Variants in ASTN2 observed in about 807,000 individuals in gnomAD.
ASTN2 encodes astrotactin-2.
In ASTN2, 54 loss-of-function variants were observed where a neutral mutation model predicts 139.8. That is an observed-to-expected ratio of 0.39 (90% CI 0.31 to 0.48). The LOEUF (loss-of-function observed/expected upper bound fraction) is 0.48, where lower values mean the gene tolerates loss of function less well. ASTN2 is among the 20% of genes least tolerant of loss of function. The pLI is 0.95. For missense variants in ASTN2, 1,565 were observed against 1,725.1 expected, an observed-to-expected ratio of 0.91 and a Z score of 1.64; for synonymous variants, 756 against 719.5, an observed-to-expected ratio of 1.05 and a Z score of -0.81.
At chr9:117,236,936 C>CA (rs1833062118) in intron 2 of ASTN2, among the ~76,000 whole-genome samples, 2 of 151,912 alleles carry the variant, frequency 1.3e-5, no homozygotes, top group South Asian at 4.2e-4. Flanking sequence ...CCCAGAAATG[C>CA]AAAAAATATA....
chr9:117,269,853 A>G (rs1834022757), intron 2 of ASTN2, among the ~76,000 whole-genome samples: 1 of 152,168 alleles, frequency 6.6e-6, no homozygotes, highest in African/African-American at 2.4e-5. Context: ...TTTCCTCTTT[A>G]TCTACTGTCC....
chr9:117,244,971 T>C (rs1279805265), intron 2 of ASTN2, among the ~76,000 whole-genome samples: 4 of 152,120 alleles, frequency 2.6e-5, no homozygotes, highest in South Asian at 2.1e-4. Context: ...CTAATGTCAA[T>C]GAATACAGAC....
intron 7 of ASTN2, among the ~76,000 whole-genome samples, chr9:116,983,809 C>A (rs1225167606): frequency 6.6e-6 from 1 of 152,186 alleles, no homozygotes; most frequent in East Asian, 1.9e-4. Flanking sequence ...TTAGAAAAAA[C>A]ATCTACAGGC....
chr9:116,711,822 G>C (rs1828171384), intron 16 of ASTN2, among the ~76,000 whole-genome samples: 1 of 151,764 alleles, frequency 6.6e-6, no homozygotes. Context: ...GAATCCTCAT[G>C]GCTGCTAAAT....
intron 7 of ASTN2, among the ~76,000 whole-genome samples, chr9:117,006,926 C>T (rs1322119830): frequency 3.9e-5 from 6 of 152,092 alleles, no homozygotes; most frequent in Non-Finnish European, 7.4e-5. Context: ...ACTAGCCTGA[C>T]CAACATGGTG....
chr9:117,258,894 T>C (rs1045644524), intron 2 of ASTN2, among the ~76,000 whole-genome samples: 3 of 152,182 alleles, frequency 2.0e-5, no homozygotes, highest in African/African-American at 7.2e-5. Flanking sequence ...CCTGAAGGGA[T>C]AGGGATCGTC....
At chr9:116,799,036 A>G (rs1224164275) in intron 13 of ASTN2, among the ~76,000 whole-genome samples, 3 of 144,510 alleles carry the variant, frequency 2.1e-5, no homozygotes, top group Admixed American at 1.4e-4. Context: ...TAAAGTATTC[A>G]GCATAGGTCC....
At chr9:117,186,760 C>T (rs751327058) in intron 3 of ASTN2, among the ~76,000 whole-genome samples, 8 of 152,108 alleles carry the variant, frequency 5.3e-5, no homozygotes, top group African/African-American at 1.9e-4. Context: ...AAACAAGAAG[C>T]AGACAGCATG....
intron 2 of ASTN2, among the ~76,000 whole-genome samples, chr9:117,245,278 C>T (rs1251497578): frequency 6.6e-6 from 1 of 152,164 alleles, no homozygotes; most frequent in African/African-American, 2.4e-5. Flanking sequence ...GCTGATTAGT[C>T]GGAATATTTG....
At chr9:117,231,553 T>C (rs1031760610) in intron 2 of ASTN2, among the ~76,000 whole-genome samples, 2 of 152,244 alleles carry the variant, frequency 1.3e-5, no homozygotes, top group African/African-American at 4.8e-5. Flanking sequence ...TTTGAATTGA[T>C]TTAAAATCCA....
At chr9:117,116,767 C>G (rs1336550646) in intron 4 of ASTN2, among the ~76,000 whole-genome samples, 1 of 120,888 alleles carries the variant, frequency 8.3e-6, no homozygotes, top group Non-Finnish European at 1.6e-5. Flanking sequence ...CCAATTGTTC[C>G]TAAAAAGTCT....
chr9:117,219,521 G>A (rs1164664569), intron 2 of ASTN2, among the ~76,000 whole-genome samples: 1 of 152,182 alleles, frequency 6.6e-6, no homozygotes, highest in African/African-American at 2.4e-5. Flanking sequence ...ACGATCTGAT[G>A]CCAAGTCCGA....
At chr9:116,815,309 A>T (rs190365249) in intron 12 of ASTN2, among the ~76,000 whole-genome samples, 1,741 of 152,266 alleles carry the variant, frequency 0.011, 44 homozygotes, top group African/African-American at 0.039. Context: ...TATTAGACAG[A>T]GAGGCTATTA....
intron 1 of ASTN2, among the ~76,000 whole-genome samples, chr9:117,322,811 G>A (rs1828376299): frequency 6.6e-6 from 1 of 152,076 alleles, no homozygotes; most frequent in African/African-American, 2.4e-5. Context: ...TGGAGACCCA[G>A]GGCAATGGAA....
At chr9:117,106,716 C>T (rs2132776605) in intron 4 of ASTN2, among the ~76,000 whole-genome samples, 1 of 152,278 alleles carries the variant, frequency 6.6e-6, no homozygotes, top group East Asian at 1.9e-4. Flanking sequence ...TACGTTTTTA[C>T]AACTAGGTTT....
intron 2 of ASTN2, among the ~76,000 whole-genome samples, chr9:117,239,065 T>C (rs1020326466): frequency 1.3e-5 from 2 of 152,190 alleles, no homozygotes. Flanking sequence ...CCAGAGAGTT[T>C]ATCTGCCTTG....
chr9:116,686,051 C>T (rs1221881176), intron 16 of ASTN2, among the ~76,000 whole-genome samples: 2 of 152,132 alleles, frequency 1.3e-5, no homozygotes, highest in African/African-American at 4.8e-5. Context: ...TTATCCCCTA[C>T]CTGCTAATTA....
chr9:116,690,442 AG>A (rs903567649), intron 16 of ASTN2, among the ~76,000 whole-genome samples: 1 of 152,190 alleles, frequency 6.6e-6, no homozygotes, highest in African/African-American at 2.4e-5. Flanking sequence ...AACCCTTCAG[AG>A]CCCCTATGTT....
chr9:117,377,948 G>A (rs117213262), intron 1 of ASTN2, among the ~76,000 whole-genome samples: 1 of 152,134 alleles, frequency 6.6e-6, no homozygotes, highest in Admixed American at 6.6e-5. Flanking sequence ...AAAAATAAGT[G>A]AGAAGAATAA....
Sources: allele counts gnomAD v4.1 joint callset (sites outside exome capture counted in the v4.1 genomes callset), GRCh38; gene constraint gnomAD v4.1.1; transcripts MANE v1.5; gene names NCBI Gene and HGNC (gene_info 2026-07-23, HGNC 2026-07-21).